The following ARHGAP10 variants were observed in gnomAD, a reference collection of about 807,000 sequenced individuals.
ARHGAP10 encodes the protein rho GTPase-activating protein 10.
Under a neutral mutation model 108.6 loss-of-function variants are expected in ARHGAP10, and 87 were observed. The ratio of observed to expected loss-of-function variants is 0.80; its 90% CI spans 0.67 to 0.96. The LOEUF is 0.96. Ranked by LOEUF, ARHGAP10 falls within the 40% of genes least tolerant of loss-of-function variation. The pLI, the probability that ARHGAP10 is intolerant of heterozygous loss-of-function variation, is 0.00. For missense variants in ARHGAP10, 939 were observed against 954.5 expected (o/e 0.98, Z 0.21); for synonymous variants, 347 against 341.1 (o/e 1.02, Z -0.19).
At chr4:147,892,569 CATGGGGGAGTGTGGGG>C (rs1560812906) in intron 10 of ARHGAP10, among the ~76,000 whole-genome samples, 4 of 150,338 alleles carry the variant, frequency 2.7e-5, no homozygotes, top group Non-Finnish European at 5.9e-5. Context: ...AGTTGAGCAG[CATGGGGGAGTGTGGGG>C]TTGGCTGGGA....
intron 19 of ARHGAP10, among the ~76,000 whole-genome samples, chr4:148,045,738 C>CAAAAAAA (rs11363800): frequency 1.6e-4 from 9 of 57,520 alleles, no homozygotes; most frequent in African/African-American, 6.0e-4. Flanking sequence ...AACTCCATCT[C>CAAAAAAA]AAAAAAAAAA....
At chr4:147,865,795 C>A (rs1327770212) in intron 6 of ARHGAP10, 1 of 152,286 alleles carries the variant, frequency 6.6e-6, no homozygotes, top group South Asian at 2.1e-4. Flanking sequence ...AGTCATTAAC[C>A]TAAACCATTA....
At chr4:148,038,708 A>AG (rs1028983278) in intron 19 of ARHGAP10, among the ~76,000 whole-genome samples, 32 of 152,314 alleles carry the variant, frequency 2.1e-4, no homozygotes, top group African/African-American at 7.7e-4. Flanking sequence ...TAGAAAATGC[A>AG]GGGTGACAGG....
At chr4:147,945,310 A>G (rs535271648) in intron 14 of ARHGAP10, among the ~76,000 whole-genome samples, 2 of 151,788 alleles carry the variant, frequency 1.3e-5, no homozygotes, top group East Asian at 1.9e-4. Flanking sequence ...TCCTGGTGCC[A>G]TATACCTTTT....
At chr4:147,887,862 A>G in intron 10 of ARHGAP10, among the ~76,000 whole-genome samples, 1 of 134,418 alleles carries the variant, frequency 7.4e-6, no homozygotes, top group South Asian at 2.3e-4. Flanking sequence ...ACTCCATCTC[A>G]AAAAAAAAAA....
At chr4:148,021,934 C>G (rs545787007) in intron 18 of ARHGAP10, among the ~76,000 whole-genome samples, 2 of 152,266 alleles carry the variant, frequency 1.3e-5, no homozygotes, top group African/African-American at 4.8e-5. Flanking sequence ...CAGTATGGGA[C>G]TATAAAGCAA....
chr4:147,939,802 T>G (rs751015694), intron 13 of ARHGAP10, 23 bp from the exon 14 acceptor site: 12 of 1,601,982 alleles, frequency 7.5e-6, no homozygotes, highest in Non-Finnish European at 1.0e-5. Context: ...TCTATTTTGC[T>G]AATAGTTTGT....
chr4:147,986,536 C>T lies in ARHGAP10; in HGVS notation c.1716+19697C>T, dbSNP rs183903594. ...GGAAAGCAAACTCCTCTCCCCTGGT[C>T]ACCTACCCTCTCCTCATACTGCTTT... On this transcript the variant is annotated intron_variant, in intron 18 of 22. Transcript: ENST00000336498. 5.9e-5 allele frequency among the ~76,000 whole-genome samples: 9 copies of T among 152,290 alleles called. No individual in the cohort carries two copies. In the East Asian group the frequency reaches 1.7e-3, roughly 29 times the overall value.
intron 13 of ARHGAP10, among the ~76,000 whole-genome samples, chr4:147,928,834 G>A (rs187266717): frequency 3.3e-5 from 5 of 152,220 alleles, no homozygotes; most frequent in Non-Finnish European, 7.4e-5. Context: ...TACAATTAAA[G>A]CTTGTAATGA....
chr4:147,777,079 T>C (rs1184169255), intron 1 of ARHGAP10, among the ~76,000 whole-genome samples: 1 of 152,148 alleles, frequency 6.6e-6, no homozygotes, highest in Non-Finnish European at 1.5e-5. Flanking sequence ...GCTGTTACAG[T>C]CAGTTTTCTT....
intron 7 of ARHGAP10, among the ~76,000 whole-genome samples, chr4:147,868,961 T>C (rs1021884941): frequency 6.6e-6 from 1 of 152,108 alleles, no homozygotes; most frequent in African/African-American, 2.4e-5. Context: ...TTATAACTTA[T>C]GTTTTCCCCT....
chr4:147,931,392 T>G (rs926466739), intron 13 of ARHGAP10, among the ~76,000 whole-genome samples: 1 of 152,096 alleles, frequency 6.6e-6, no homozygotes, highest in African/African-American at 2.4e-5. Flanking sequence ...AATATTGATA[T>G]CAATATCATC....
intron 17 of ARHGAP10, among the ~76,000 whole-genome samples, chr4:147,965,579 C>A (rs559750096): frequency 6.6e-6 from 1 of 152,154 alleles, no homozygotes; most frequent in Non-Finnish European, 1.5e-5. Flanking sequence ...TTAGCCCTTT[C>A]TTTAAGTATA....
chr4:147,851,457 C>T (rs184737637), intron 4 of ARHGAP10, among the ~76,000 whole-genome samples: 60 of 152,274 alleles, frequency 3.9e-4, no homozygotes, highest in African/African-American at 1.4e-3. Context: ...AATTGATCCT[C>T]CTGCCTCGGC....
intron 20 of ARHGAP10, among the ~76,000 whole-genome samples, chr4:148,051,961 A>G (rs1729157453): frequency 3.3e-5 from 5 of 152,156 alleles, no homozygotes; most frequent in Admixed American, 2.6e-4. Flanking sequence ...TGGCATTTCA[A>G]ATTACTTGAC....
rs545941509 is a variant in ARHGAP10, at chr4:147,905,554, G to A, written c.1035-1084G>A. 9.4e-3 allele frequency among the ~76,000 whole-genome samples: 1,091 copies of A among 116,090 alleles called. 10 individuals carry two copies. Among genetic ancestry groups the A allele is most frequent in the South Asian group, 0.016 (47 of 2,936 alleles). The allele number at this position is 116,090 out of a possible 152,430, so 76.2% of individuals were successfully genotyped here. A position where few individuals can be genotyped will look rare whatever the true frequency, so the allele number is the denominator to read the frequency against. ...GATCAGATAGTTGTAGATATGCGGC[G>A]TTATTTCTGAGGGCTCTGTTCTGTT... On this transcript the variant is annotated intron_variant, in intron 10 of 22. Coordinates refer to ENST00000336498, the MANE Select transcript of ARHGAP10 (RefSeq NM_024605.4).
In ARHGAP10 at chr4:148,072,214, TCA is replaced by T; in HGVS notation, c.*134_*135del. 1 of 408,234 alleles carries T rather than the reference TCA, an allele frequency of 2.4e-6. No individual in the cohort carries two copies. Among genetic ancestry groups the T allele is most frequent in the Non-Finnish European group, 4.4e-6 (1 of 226,274 alleles). The allele number at this position is 408,234 out of a possible 1,614,324, so 25.3% of individuals were successfully genotyped here. On this transcript the variant is annotated 3_prime_UTR_variant, in exon 23 of 23. Coordinates refer to ENST00000336498, the MANE Select transcript of ARHGAP10 (RefSeq NM_024605.4). Reference sequence around the variant, plus strand: ...CACTTGGGAGTTACCATCATCACAGTCAGCCCTGGGGGTGGGGGGTGGTGGGC... The same window carrying T: ...CACTTGGGAGTTACCATCATCACAGTGCCCTGGGGGTGGGGGGTGGTGGGC...
At chr4:147,741,478 G>C (rs1315867425) in intron 1 of ARHGAP10, among the ~76,000 whole-genome samples, 1 of 152,104 alleles carries the variant, frequency 6.6e-6, no homozygotes, top group Non-Finnish European at 1.5e-5. Context: ...AATGATGTTT[G>C]TATAAACACA....
chr4:147,825,204 C>T (rs1233377285), intron 3 of ARHGAP10, among the ~76,000 whole-genome samples: 1 of 151,994 alleles, frequency 6.6e-6, no homozygotes, highest in Non-Finnish European at 1.5e-5. Flanking sequence ...AATCCCAGCA[C>T]TTTGGAAGGC....
Sources: allele counts gnomAD v4.1 joint callset (sites outside exome capture counted in the v4.1 genomes callset), GRCh38; gene constraint gnomAD v4.1.1; transcripts MANE v1.5; gene names NCBI Gene and HGNC (gene_info 2026-07-23, HGNC 2026-07-21).